The following XKRX variants were observed in gnomAD, a reference collection of about 807,000 sequenced individuals.
The protein encoded by XKRX is XK-related protein 2.
XKRX carries 11 observed loss-of-function variants against 22.4 expected under a neutral mutation model. The observed-to-expected ratio is 0.49, with a 90% confidence interval of 0.31 to 0.81. XKRX has a LOEUF of 0.81. XKRX is among the 40% of genes least tolerant of loss of function. The probability of loss-of-function intolerance (pLI) is 0.05; values close to 1 mark genes in which losing one functional copy is unlikely to be tolerated. For missense variants in XKRX, 320 were observed against 336.5 expected (o/e 0.95, Z 0.38); for synonymous variants, 114 against 132.2 (o/e 0.86, Z 0.94).
At chrX:100,956,538 T>G in the XKRX span, 3 of 380,998 alleles carry the variant, frequency 7.9e-6, no homozygotes, top group East Asian at 5.4e-5. Context: ...AGAGAACAGA[T>G]TATTGGTTGT....
At chrX:100,919,676 A>C (rs1478256080) in intron 2 of XKRX, among the ~76,000 whole-genome samples, 11 of 111,931 alleles carry the variant, frequency 9.8e-5, no homozygotes, top group Non-Finnish European at 1.9e-5. Context: ...TAACCAAAGA[A>C]AGCGAATTAT....
At chrX:100,888,237 G>T in the XKRX span, 1 of 858,631 alleles carries the variant, frequency 1.2e-6, no homozygotes, top group Non-Finnish European at 1.7e-6. Context: ...CTTAGCTGAT[G>T]TTTTTCAGTG....
chrX:100,953,772 G>A, the XKRX span, among the ~76,000 whole-genome samples: 1 of 108,957 alleles, frequency 9.2e-6, no homozygotes, highest in African/African-American at 3.3e-5. Flanking sequence ...AGCTAGGGGT[G>A]GTGGCATGTG....
At chrX:100,887,780 A>C in the XKRX span, 6 of 920,264 alleles carry the variant, frequency 6.5e-6, no homozygotes, top group African/African-American at 1.9e-5. Flanking sequence ...ACGGGTCCAA[A>C]ATTTGAAGAC....
At chrX:100,894,955 C>G in the XKRX span, among the ~76,000 whole-genome samples, 2 of 111,977 alleles carry the variant, frequency 1.8e-5, no homozygotes, top group Non-Finnish European at 3.8e-5. Flanking sequence ...TGAGTAGGAT[C>G]TTTCAAATAA....
the XKRX span, among the ~76,000 whole-genome samples, chrX:100,937,821 G>A: frequency 9.0e-6 from 1 of 111,650 alleles, no homozygotes; most frequent in Non-Finnish European, 1.9e-5. Context: ...TTCCTTATTG[G>A]GTACATTAAG....
At chrX:100,950,274 A>G in the XKRX span, among the ~76,000 whole-genome samples, 1 of 112,413 alleles carries the variant, frequency 8.9e-6, no homozygotes, top group African/African-American at 3.2e-5. Context: ...TAAATTACTT[A>G]TGTATAATGC....
chrX:100,902,906 T>C, the XKRX span, among the ~76,000 whole-genome samples: 2 of 109,071 alleles, frequency 1.8e-5, no homozygotes, highest in Non-Finnish European at 3.8e-5. Flanking sequence ...CCCGCCACCA[T>C]GCCCGGCTAT....
the XKRX span, among the ~76,000 whole-genome samples, chrX:100,939,674 G>GT: frequency 8.9e-6 from 1 of 111,970 alleles, no homozygotes; most frequent in Admixed American, 9.5e-5. Context: ...TAAGTCATGG[G>GT]ATCAGCTGAC....
At chrX:100,953,634 C>T in the XKRX span, among the ~76,000 whole-genome samples, 1 of 111,485 alleles carries the variant, frequency 9.0e-6, no homozygotes, top group Non-Finnish European at 1.9e-5. Flanking sequence ...TAAGGCCAGG[C>T]GTGGTGGCTC....
the XKRX span, among the ~76,000 whole-genome samples, chrX:100,896,144 G>T: frequency 1.7e-4 from 19 of 111,628 alleles, no homozygotes; most frequent in South Asian, 3.8e-3. Context: ...AAAAGACCTG[G>T]ATTCCCTCAC....
chrX:100,933,397 G>A (rs1003356261), upstream of XKRX, among the ~76,000 whole-genome samples: 4 of 105,345 alleles, frequency 3.8e-5, no homozygotes, highest in Non-Finnish European at 5.8e-5. Flanking sequence ...CACAAGAATC[G>A]CTTGAACCCA....
the XKRX span, among the ~76,000 whole-genome samples, chrX:100,956,316 A>G: frequency 9.0e-6 from 1 of 111,725 alleles, no homozygotes; most frequent in Non-Finnish European, 1.9e-5. Context: ...GTTTACCTAT[A>G]TAACAAACCT....
At chrX:100,888,483 A>G in the XKRX span, 5 of 879,160 alleles carry the variant, frequency 5.7e-6, no homozygotes, top group South Asian at 4.1e-5. Flanking sequence ...AGCATTCCCC[A>G]TCGCTCAAAA....
chrX:100,942,238 T>G, the XKRX span, among the ~76,000 whole-genome samples: 1 of 112,241 alleles, frequency 8.9e-6, no homozygotes, highest in East Asian at 2.8e-4. Flanking sequence ...GTCACTGAAA[T>G]AGAGGTATTA....
Position 100,928,202 on chromosome X carries a change from A to G in XKRX, c.103T>C (p.Phe35Leu). 8.2e-7 allele frequency: 1 copy of G among 1,212,149 alleles called. No homozygotes were observed. Among genetic ancestry groups the G allele is most frequent in the Non-Finnish European group, 1.1e-6 (1 of 895,619 alleles). ...AAAAAGGTGGAGAAAAGGATGCTAA[A>G]TGGAAAAGTAAATCGGGGGTTGGCT... The part of the protein sequence containing the change: ...RGANPRFTFP[F>L]SILFSTFLYC... Residue 35 changes from phenylalanine (F) to leucine (L), a missense_variant, in exon 1 of 3, where the codon TTT (phenylalanine) becomes CTT (leucine). Coordinates refer to ENST00000372956, the MANE Select transcript of XKRX (RefSeq NM_212559.3).
chrX:100,956,771 T>C, the XKRX span: 1 of 558,633 alleles, frequency 1.8e-6, no homozygotes, highest in African/African-American at 2.2e-5. Flanking sequence ...GAAGCACTTG[T>C]ACAGTTTATG....
chrX:100,897,590 TA>T, the XKRX span, among the ~76,000 whole-genome samples: 1 of 36,828 alleles, frequency 2.7e-5, no homozygotes, highest in Admixed American at 3.6e-4. Context: ...CACAAATATA[TA>T]TATGTGTGTG....
Position 100,914,143 on chromosome X carries a change from CCT to C in XKRX, c.*193_*194del, listed in dbSNP as rs998449929. On this transcript the variant is annotated 3_prime_UTR_variant, in exon 3 of 3. Transcript: ENST00000372956. ...CCTTTCAACTATATAGTCGATACCC[CCT>C]GTTTCCAAACATAGTGGTAACTCTT... 6.2e-5 allele frequency: 30 copies of C among 486,794 alleles called. No individual in the cohort carries two copies. The highest frequency in any genetic ancestry group is 1.0e-4 in the Admixed American group (3 of 29,805). 40.1% of individuals were successfully genotyped at this position (486,794 alleles called of 1,213,427 possible).
Sources: gnomAD v4.1 joint callset for allele counts (sites outside exome capture counted in the v4.1 genomes callset) on GRCh38, gnomAD v4.1.1 for gene constraint, MANE v1.5 for transcripts, NCBI Gene and HGNC (gene_info 2026-07-23, HGNC 2026-07-21) for gene names.